DLG2: variants seen among roughly 807,000 people sequenced by gnomAD.
DLG2 encodes the protein disks large homolog 2.
A neutral mutation model predicts 132.5 loss-of-function variants in DLG2; 45 were observed. The observed-to-expected ratio is 0.34, with a 90% CI of 0.27 to 0.44. The LOEUF (loss-of-function observed/expected upper bound fraction) is 0.44. Ranked by LOEUF, DLG2 falls within the 20% of genes least tolerant of loss-of-function variation. The pLI is 1.00. For missense variants in DLG2, 1,045 were observed against 1,196.9 expected, an observed-to-expected ratio of 0.87 and a Z score of 1.87; for synonymous variants, 424 against 419.6, an observed-to-expected ratio of 1.01 and a Z score of -0.13.
intron 3 of DLG2, among the ~76,000 whole-genome samples, chr11:85,424,583 G>C (rs1366757111): frequency 6.6e-6 from 1 of 152,112 alleles, no homozygotes; most frequent in African/African-American, 2.4e-5. Context: ...CTTATGTGAG[G>C]CTGAAAGTAT....
intron 7 of DLG2, among the ~76,000 whole-genome samples, chr11:84,267,588 A>C (rs542708533): frequency 6.6e-6 from 1 of 152,352 alleles, no homozygotes; most frequent in East Asian, 1.9e-4. Flanking sequence ...TCAGGCTAAA[A>C]GGACAAGAAG....
chr11:84,770,654 T>A (rs892380415), intron 6 of DLG2, among the ~76,000 whole-genome samples: 1 of 151,480 alleles, frequency 6.6e-6, no homozygotes, highest in Non-Finnish European at 1.5e-5. Flanking sequence ...TTTTTTTTTT[T>A]TTTTGAGACG....
intron 7 of DLG2, among the ~76,000 whole-genome samples, chr11:84,426,241 T>C (rs970195251): frequency 1.2e-4 from 19 of 152,094 alleles, no homozygotes; most frequent in Non-Finnish European, 1.2e-4. Context: ...AAGTTTGGAA[T>C]TGCGAATATC....
intron 3 of DLG2, chr11:85,285,967 TAA>T (rs370848971): frequency 3.2e-6 from 1 of 311,182 alleles, no homozygotes; most frequent in Non-Finnish European, 6.2e-6. Flanking sequence ...GTAGGCAAAT[TAA>T]AAAAAAAATC....
chr11:85,444,339 G>A (rs1177145698), intron 3 of DLG2, among the ~76,000 whole-genome samples: 1 of 152,152 alleles, frequency 6.6e-6, no homozygotes, highest in Non-Finnish European at 1.5e-5. Flanking sequence ...TGCAGCTATA[G>A]CTGAGTAAAA....
intron 19 of DLG2, among the ~76,000 whole-genome samples, chr11:83,607,521 T>C (rs1161523017): frequency 6.6e-6 from 1 of 152,244 alleles, no homozygotes; most frequent in Admixed American, 6.5e-5. Context: ...GCAAGGCACA[T>C]GGACACTTAC....
rs144360913 is a variant in DLG2, at chr11:84,930,817, A to G, written c.357+180844T>C. Among the ~76,000 whole-genome samples, 590 of 152,240 alleles carry G rather than the reference A, an allele frequency of 3.9e-3. 3 individuals are homozygous for G. Among genetic ancestry groups the G allele is most frequent in the Non-Finnish European group, 6.5e-3 (443 of 68,010 alleles). On this transcript the variant is annotated intron_variant, in intron 6 of 27. Coordinates refer to ENST00000376104, the MANE Select transcript of DLG2 (RefSeq NM_001142699.3). ...CCCATCTAAAAACAAATGCAAAACT[A>G]TAACTACTTCCTCTAATCACAGTTC...
intron 3 of DLG2, among the ~76,000 whole-genome samples, chr11:85,333,582 T>C (rs1185426223): frequency 6.6e-6 from 1 of 152,074 alleles, no homozygotes; most frequent in Non-Finnish European, 1.5e-5. Flanking sequence ...CCATAGAGGC[T>C]CTTATTCTGA....
intron 3 of DLG2, chr11:85,452,649 G>C (rs1431754988): frequency 1.0e-5 from 2 of 190,788 alleles, no homozygotes; most frequent in Non-Finnish European, 2.3e-5. Flanking sequence ...ACTGTGTATT[G>C]CCAACCACAA....
chr11:83,502,173 T>A (rs2094475688), intron 21 of DLG2, among the ~76,000 whole-genome samples: 1 of 152,178 alleles, frequency 6.6e-6, no homozygotes, highest in Non-Finnish European at 1.5e-5. Flanking sequence ...ATTAAGTGGC[T>A]ACAAATAGTG....
chr11:85,285,490 T>C (rs1330349719), intron 3 of DLG2, 125 bp from the exon 4 acceptor site: 7 of 796,384 alleles, frequency 8.8e-6, no homozygotes, highest in Admixed American at 2.9e-5. Context: ...TAAATATATA[T>C]CCCAAAGTAA....
intron 8 of DLG2, among the ~76,000 whole-genome samples, chr11:84,211,248 T>C (rs775501342): frequency 6.6e-5 from 10 of 152,212 alleles, no homozygotes; most frequent in Non-Finnish European, 1.2e-4. Context: ...TATTCCTCTC[T>C]TATGGCATTC....
chr11:83,459,771 G>T lies in DLG2; in HGVS notation c.*47C>A, dbSNP rs2089527383. The T allele has an allele frequency of 2.0e-6, 2 of 1,014,818 alleles. No homozygotes were observed. Among genetic ancestry groups the T allele is most frequent in the African/African-American group, 3.2e-5 (2 of 62,382 alleles). 62.9% of individuals were successfully genotyped at this position (1,014,818 alleles called of 1,614,324 possible). ...CCAAGTAGTATGTTATATATATTTT[G>T]TTCTTCTAAATGCTCTTCTGTCGTT... On this transcript the variant is annotated 3_prime_UTR_variant, in exon 28 of 28. Coordinates refer to ENST00000376104, the MANE Select transcript of DLG2 (RefSeq NM_001142699.3).
At chr11:84,375,213 T>A (rs2098724127) in intron 7 of DLG2, among the ~76,000 whole-genome samples, 1 of 152,170 alleles carries the variant, frequency 6.6e-6, no homozygotes. Flanking sequence ...CCAAAGAGAC[T>A]GAGTTCTTTA....
At chr11:83,524,199 A>G (rs917278017) in intron 21 of DLG2, among the ~76,000 whole-genome samples, 5 of 152,176 alleles carry the variant, frequency 3.3e-5, no homozygotes, top group Non-Finnish European at 7.3e-5. Flanking sequence ...ATAAGTTATG[A>G]TAATTGATAG....
At chr11:83,800,101 A>G (rs1054838221) in intron 17 of DLG2, among the ~76,000 whole-genome samples, 1 of 152,160 alleles carries the variant, frequency 6.6e-6, no homozygotes, top group African/African-American at 2.4e-5. Flanking sequence ...GGAGAGTATA[A>G]AATTATCTCA....
intron 3 of DLG2, among the ~76,000 whole-genome samples, chr11:85,590,587 T>C (rs1281887303): frequency 6.6e-6 from 1 of 152,000 alleles, no homozygotes; most frequent in Non-Finnish European, 1.5e-5. Flanking sequence ...TCAGGACATC[T>C]TGAAAGGGCT....
chr11:84,134,048 A>G (rs1226340619), intron 9 of DLG2, among the ~76,000 whole-genome samples: 1 of 152,046 alleles, frequency 6.6e-6, no homozygotes, highest in Non-Finnish European at 1.5e-5. Context: ...TTCTTCCTTC[A>G]GGTATTTCTT....
At chr11:85,165,121 T>A (rs1346254158) in intron 4 of DLG2, among the ~76,000 whole-genome samples, 1 of 152,188 alleles carries the variant, frequency 6.6e-6, no homozygotes, top group Non-Finnish European at 1.5e-5. Context: ...AAGACACATT[T>A]ACGAAGAGAT....
Sources: gnomAD v4.1 joint callset for allele counts (sites outside exome capture counted in the v4.1 genomes callset) on GRCh38, gnomAD v4.1.1 for gene constraint, MANE v1.5 for transcripts, NCBI Gene and HGNC (gene_info 2026-07-23, HGNC 2026-07-21) for gene names.